Variants in FAM186B observed in about 807,000 individuals in gnomAD.
FAM186B encodes the protein family with sequence similarity 186 member B, also known as protein FAM186B.
FAM186B carries 68 observed loss-of-function variants against 83.4 expected under a neutral mutation model. The ratio of observed to expected loss-of-function variants is 0.81; its 90% CI spans 0.67 to 1.00. FAM186B has a LOEUF of 1.00. Ranked by LOEUF, FAM186B falls within the 50% of genes least tolerant of loss-of-function variation. FAM186B has a pLI of 0.00. For synonymous variants in FAM186B, 389 were observed against 422.0 expected, an observed-to-expected ratio of 0.92 and a Z score of 0.96; for missense variants, 983 against 1,099.2, an observed-to-expected ratio of 0.89 and a Z score of 1.49.
At chr12:49,584,204 C>T, downstream of FAM186B, 1 of 350,542 alleles carries the variant, frequency 2.9e-6, no homozygotes, top group Non-Finnish European at 5.3e-6. Context: ...TGTTTGCTCC[C>T]AAAGGACACA....
At chr12:49,619,228 C>T in the FAM186B span, 7 of 203,936 alleles carry the variant, frequency 3.4e-5, no homozygotes, top group Non-Finnish European at 4.9e-5. Context: ...CTCAAAAAAG[C>T]GGGAGTATTA....
upstream of FAM186B, among the ~76,000 whole-genome samples, chr12:49,606,528 A>ACAC (rs1940027143): frequency 6.2e-5 from 8 of 128,028 alleles, no homozygotes; most frequent in Non-Finnish European, 1.0e-4. Flanking sequence ...CACACACACA[A>ACAC]ACATACAGAG....
At chr12:49,584,521 G>A (rs1184349371), downstream of FAM186B, 1 of 702,358 alleles carries the variant, frequency 1.4e-6, no homozygotes, top group Non-Finnish European at 2.6e-6. Context: ...GGCTTATTTG[G>A]GTTCCAGGGA....
the FAM186B span, among the ~76,000 whole-genome samples, chr12:49,611,952 C>G: frequency 6.6e-6 from 1 of 151,760 alleles, no homozygotes; most frequent in Non-Finnish European, 1.5e-5. Flanking sequence ...AATTTGTTAC[C>G]ACTAAACTAG....
chr12:49,605,631 G>T lies in FAM186B; in HGVS notation c.-154C>A. ...TCCTCTGGTAACTGCCAAACACCAG[G>T]TTCCAACTGATCCTCTTTTCCCCAG... On this transcript the variant is annotated 5_prime_UTR_variant, in exon 1 of 7. Transcript: ENST00000257894. 1.5e-6 allele frequency: 1 copy of T among 673,348 alleles called. No individual in the cohort carries two copies. The highest frequency in any genetic ancestry group is 2.4e-6 in the Non-Finnish European group (1 of 409,442). 41.7% of individuals were successfully genotyped at this position (673,348 alleles called of 1,614,324 possible).
At chr12:49,588,299 G>A (rs1261513676) in intron 6 of FAM186B, among the ~76,000 whole-genome samples, 155 bp downstream of exon 6, 1 of 152,226 alleles carries the variant, frequency 6.6e-6, no homozygotes, top group East Asian at 1.9e-4. Flanking sequence ...CCAGCACTGG[G>A]GAGGGCAGCT....
At chr12:49,583,065 A>G (rs1939369492), downstream of FAM186B, 2 of 456,204 alleles carry the variant, frequency 4.4e-6, no homozygotes, top group Non-Finnish European at 8.8e-6. Context: ...CTCCATCACC[A>G]GAGCAAGTTC....
downstream of FAM186B, chr12:49,587,419 GC>G (rs1273064611): frequency 3.5e-5 from 25 of 723,260 alleles, no homozygotes; most frequent in Non-Finnish European, 5.5e-5. Context: ...AGTGCTGTTG[GC>G]ATGGGGACCC....
At chr12:49,622,156 C>T in the FAM186B span, among the ~76,000 whole-genome samples, 1 of 152,350 alleles carries the variant, frequency 6.6e-6, no homozygotes, top group East Asian at 1.9e-4. Flanking sequence ...CGCGGCAGCC[C>T]CCGGGGGAAG....
intron 5 of FAM186B, among the ~76,000 whole-genome samples, chr12:49,592,432 A>C (rs1291712567): frequency 2.6e-5 from 4 of 152,046 alleles, no homozygotes; most frequent in African/African-American, 7.2e-5. Flanking sequence ...AGATCATGCC[A>C]CTGCACTCTA....
At chr12:49,620,483 CA>C in the FAM186B span, among the ~76,000 whole-genome samples, 1 of 150,938 alleles carries the variant, frequency 6.6e-6, no homozygotes, top group Admixed American at 6.6e-5. Context: ...TCCTGGCTAA[CA>C]CAATGAAACC....
At chr12:49,609,386 G>A (rs564044844), upstream of FAM186B, among the ~76,000 whole-genome samples, 37 of 152,262 alleles carry the variant, frequency 2.4e-4, no homozygotes, top group African/African-American at 8.4e-4. Context: ...TAGTGAAGTG[G>A]GGCTCACTCT....
the FAM186B span, among the ~76,000 whole-genome samples, chr12:49,617,799 AG>A: frequency 1.3e-5 from 2 of 152,218 alleles, no homozygotes; most frequent in Non-Finnish European, 2.9e-5. Flanking sequence ...GGATTTTTAA[AG>A]GCATAAATCC....
chr12:49,595,249 G>A, intron 5 of FAM186B: 1 of 699,732 alleles, frequency 1.4e-6, no homozygotes, highest in East Asian at 4.2e-5. Context: ...AAAAGACCCA[G>A]TACAGTGTAG....
At chr12:49,601,605 T>G (rs1411467968) in intron 3 of FAM186B, among the ~76,000 whole-genome samples, 3 of 150,668 alleles carry the variant, frequency 2.0e-5, no homozygotes, top group Non-Finnish European at 2.9e-5. Context: ...GTCCTCCAAC[T>G]GTTCACATGT....
rs754714737 is a variant in FAM186B, at chr12:49,601,125, C to T, written c.515G>A (p.Arg172His). The T allele has an allele frequency of 4.5e-6, 7 of 1,558,456 alleles. No individual in the cohort carries two copies. The highest frequency in any genetic ancestry group is 1.7e-4 in the Middle Eastern group (1 of 5,800). Reference protein sequence around the residue: ...GQKKRSQVSKRTFWQGWQGRS... With the variant: ...GQKKRSQVSKHTFWQGWQGRS... ...TCCCTGCCAGCCCTGCCAGAAGGTG[C>T]GTTTGGACACTGGGACAGGTAGAGA... The change falls in exon 4 of 7, where the codon CGC (arginine) becomes CAC (histidine). Residue 172 changes from arginine (R) to histidine (H), a missense_variant. Arg to His is a conservative substitution (Grantham distance 29, BLOSUM62 0). Coordinates refer to ENST00000257894, the MANE Select transcript of FAM186B (RefSeq NM_032130.3).
At chr12:49,595,120 C>A in intron 5 of FAM186B, 2 of 382,018 alleles carry the variant, frequency 5.2e-6, no homozygotes, top group South Asian at 3.1e-5. Context: ...AACATATAAC[C>A]TGAGTTTTAA....
At chr12:49,588,818 C>CT (rs1440705719) in intron 5 of FAM186B, among the ~76,000 whole-genome samples, 195 bp from the exon 6 acceptor site, 1 of 152,174 alleles carries the variant, frequency 6.6e-6, no homozygotes, top group Admixed American at 6.5e-5. Flanking sequence ...TCCTTGAACT[C>CT]TTTTTTGCTG....
chr12:49,620,840 TTG>T, the FAM186B span, among the ~76,000 whole-genome samples: 2 of 152,192 alleles, frequency 1.3e-5, no homozygotes. Context: ...TCCGTAAGAA[TTG>T]TAAACGTTAA....
Sources: allele counts gnomAD v4.1 joint callset (sites outside exome capture counted in the v4.1 genomes callset), GRCh38; gene constraint gnomAD v4.1.1; transcripts MANE v1.5; gene names NCBI Gene and HGNC (gene_info 2026-07-23, HGNC 2026-07-21).